ZNF841: variants seen among roughly 807,000 people sequenced by gnomAD.
The protein encoded by ZNF841 is TCONS_00006091.
Under a neutral mutation model 13.0 loss-of-function variants are expected in ZNF841, and 11 were observed. That is an observed-to-expected ratio of 0.85 (90% confidence interval 0.53 to 1.40). The LOEUF is 1.40. Ranked by LOEUF, ZNF841 falls within the 40% of genes most tolerant of loss-of-function variation. The pLI, the probability that ZNF841 is intolerant of heterozygous loss-of-function variation, is 0.00. For missense variants in ZNF841, 1,068 were observed against 1,139.5 expected (o/e 0.94, Z 0.90); for synonymous variants, 369 against 381.6 (o/e 0.97, Z 0.38).
downstream of ZNF841, among the ~76,000 whole-genome samples, chr19:52,063,180 A>G (rs1437852981): frequency 6.6e-6 from 1 of 151,336 alleles, no homozygotes; most frequent in East Asian, 2.0e-4. Flanking sequence ...TGGCTGAGAA[A>G]TGGTTTAAAA....
Position 52,065,175 on chromosome 19 carries a change from T to C in ZNF841, c.2707A>G (p.Asn903Asp). Reference protein sequence around the residue: ...TKHQIKHAGENLTTKLNVERP... With the variant: ...TKHQIKHAGEDLTTKLNVERP... ...TCCACATTGAGTTTAGTTGTAAGGT[T>C]CTCTCCAGCATGTTTTATCTGATGT... The change falls in exon 7 of 7, where the codon AAC becomes GAC. Residue 903 changes from asparagine to aspartate, a missense_variant. Transcript: ENST00000594440. 6.3e-7 allele frequency: 1 copy of C among 1,594,944 alleles called. No homozygotes were observed. The highest frequency in any genetic ancestry group is 8.5e-7 in the Non-Finnish European group (1 of 1,170,328).
intron 2 of ZNF841, among the ~76,000 whole-genome samples, chr19:52,090,921 C>A (rs1379601322): frequency 1.3e-5 from 2 of 152,078 alleles, no homozygotes; most frequent in African/African-American, 4.8e-5. Context: ...TCTACTGAAA[C>A]ATCTGGAGGC....
At chr19:52,090,165 A>G (rs2088423267) in intron 2 of ZNF841, among the ~76,000 whole-genome samples, 1 of 152,350 alleles carries the variant, frequency 6.6e-6, no homozygotes, top group Non-Finnish European at 1.5e-5. Context: ...TAAAGAAAAC[A>G]GTCCTATTTG....
chr19:52,092,725 A>G (rs1054507755), intron 2 of ZNF841, among the ~76,000 whole-genome samples: 1 of 152,234 alleles, frequency 6.6e-6, no homozygotes, highest in Admixed American at 6.5e-5. Context: ...TAATCCCAGC[A>G]CTCTGAGAAG....
In ZNF841 at chr19:52,066,856, G is replaced by C; in HGVS notation, c.1026C>G (p.Asp342Glu). ...LVNHRRSHTGDKPYICNECGK... is the reference protein window; with the variant it reads ...LVNHRRSHTGEKPYICNECGK... ...CACATTCATTACATATGTAGGGTTTGTCTCCAGTGTGACTTCTCCGGTGAT... is the reference window on the plus strand; with the variant it reads ...CACATTCATTACATATGTAGGGTTTCTCTCCAGTGTGACTTCTCCGGTGAT... Residue 342 changes from aspartate to glutamate, a missense_variant, in exon 7 of 7, where the codon GAC becomes GAG. Transcript: ENST00000594440. The C allele has an allele frequency of 1.2e-6, 2 of 1,614,058 alleles. No individual in the cohort carries two copies. Among genetic ancestry groups the C allele is most frequent in the South Asian group, 2.2e-5 (2 of 91,072 alleles).
chr19:52,077,373 A>C (rs16983427), intron 4 of ZNF841, among the ~76,000 whole-genome samples: 1 of 152,242 alleles, frequency 6.6e-6, no homozygotes, highest in East Asian at 1.9e-4. Flanking sequence ...TGTTACACCA[A>C]GTGAGGTGTC....
chr19:52,069,620 TCAGGATGGTG>T (rs1199058282), intron 6 of ZNF841, among the ~76,000 whole-genome samples: 1 of 152,164 alleles, frequency 6.6e-6, no homozygotes, highest in Non-Finnish European at 1.5e-5. Context: ...GGCAATTAGG[TCAGGATGGTG>T]CATAGAACTT....
chr19:52,073,862 T>C (rs16983415), intron 6 of ZNF841, among the ~76,000 whole-genome samples: 2,943 of 152,276 alleles, frequency 0.019, 90 homozygotes, highest in African/African-American at 0.067. Context: ...CAGCAAGCTA[T>C]ATTTAGGAAA....
In ZNF841 at chr19:52,066,514, A is replaced by G; in HGVS notation, c.1368T>C (p.Pro456=). The G allele has an allele frequency of 1.2e-6, 2 of 1,613,140 alleles. No individual in the cohort carries two copies. Among genetic ancestry groups the G allele is most frequent in the Non-Finnish European group, 1.7e-6 (2 of 1,179,716 alleles). ...RHQIIHTGET[P]YKCNECGKVF... is the part of the protein sequence containing the mutation. Reference sequence around the variant, plus strand: ...CCTTGCCACATTCATTACATTTGTAAGGTGTCTCTCCAGTATGAATTATCT... The same window carrying G: ...CCTTGCCACATTCATTACATTTGTAGGGTGTCTCTCCAGTATGAATTATCT... Residue 456 remains proline, a synonymous_variant, in exon 7 of 7, where the codon CCT becomes CCC. Coordinates refer to ENST00000594440, the MANE Select transcript of ZNF841 (RefSeq NM_001136499.2).
chr19:52,076,820 A>G, intron 5 of ZNF841, 138 bp downstream of exon 5: 3 of 1,050,236 alleles, frequency 2.9e-6, no homozygotes, highest in Non-Finnish European at 4.1e-6. Flanking sequence ...CAGATGCAGC[A>G]TTATGAAGCT....
downstream of ZNF841, among the ~76,000 whole-genome samples, chr19:52,063,088 G>T (rs2087431764): frequency 6.6e-6 from 1 of 152,068 alleles, no homozygotes; most frequent in African/African-American, 2.4e-5. Context: ...TGTTAGCCAG[G>T]ATGGTCTCGA....
chr19:52,077,910 G>T (rs2087957282), intron 4 of ZNF841, among the ~76,000 whole-genome samples: 1 of 152,196 alleles, frequency 6.6e-6, no homozygotes, highest in Non-Finnish European at 1.5e-5. Context: ...TCTTGTTGCT[G>T]CATAGGGGAC....
intron 4 of ZNF841, among the ~76,000 whole-genome samples, chr19:52,077,943 A>C (rs2087959038): frequency 6.6e-6 from 1 of 152,212 alleles, no homozygotes; most frequent in African/African-American, 2.4e-5. Context: ...ATACTGACAG[A>C]GGGTTGCCTG....
downstream of ZNF841, among the ~76,000 whole-genome samples, chr19:52,060,575 C>G (rs1000923211): frequency 2.6e-5 from 4 of 151,656 alleles, 1 homozygote; most frequent in African/African-American, 7.3e-5. Context: ...AGTCTTTCAG[C>G]GGCCGTTTCC....
chr19:52,087,156 T>C (rs1205276437), intron 3 of ZNF841, among the ~76,000 whole-genome samples: 4 of 152,346 alleles, frequency 2.6e-5, no homozygotes, highest in Admixed American at 6.5e-5. Context: ...TAAAAATGAA[T>C]GACACAGTTA....
In ZNF841 at chr19:52,067,520, T is replaced by A; in HGVS notation, c.362A>T (p.His121Leu). ...AAAATTTTCAGTGTCATAGCTTTCA[T>A]GTCCTTCCAACATCACTGCTTGGAA... ...EKFQAVMLEG[H>L]ESYDTENFYF... The change falls in exon 7 of 7, where the codon CAT (histidine) becomes CTT (leucine). Residue 121 changes from histidine (H) to leucine (L), a missense_variant. By Grantham distance (99) the His-to-Leu change is moderately conservative (BLOSUM62 -3). Coordinates refer to ENST00000594440, the MANE Select transcript of ZNF841 (RefSeq NM_001136499.2). The A allele has an allele frequency of 6.2e-7, 1 of 1,600,644 alleles. No homozygotes were observed. The highest frequency in any genetic ancestry group is 8.5e-7 in the Non-Finnish European group (1 of 1,172,592).
At chr19:52,062,061 T>C (rs2087410495), downstream of ZNF841, among the ~76,000 whole-genome samples, 1 of 152,104 alleles carries the variant, frequency 6.6e-6, no homozygotes, top group Non-Finnish European at 1.5e-5. Context: ...GCCAGTCCTA[T>C]TGCAGGTCCC....
intron 4 of ZNF841, among the ~76,000 whole-genome samples, chr19:52,078,338 A>C (rs1243998799): frequency 2.0e-5 from 3 of 152,050 alleles, no homozygotes; most frequent in Non-Finnish European, 2.9e-5. Flanking sequence ...CACACACATA[A>C]TACATTACTA....
chr19:52,087,393 T>C (rs898096311), intron 3 of ZNF841, among the ~76,000 whole-genome samples: 1 of 152,150 alleles, frequency 6.6e-6, no homozygotes, highest in East Asian at 1.9e-4. Flanking sequence ...TAGATCCCAG[T>C]GTGTGTTGTT....
Sources: allele counts gnomAD v4.1 joint callset (sites outside exome capture counted in the v4.1 genomes callset), GRCh38; gene constraint gnomAD v4.1.1; transcripts MANE v1.5; gene names NCBI Gene and HGNC (gene_info 2026-07-23, HGNC 2026-07-21).